CSRNP1: variants seen among roughly 807,000 people sequenced by gnomAD.
The protein encoded by CSRNP1 is cysteine/serine-rich nuclear protein 1.
In CSRNP1, 8 loss-of-function variants were observed where a neutral mutation model predicts 25.0. That is an observed-to-expected ratio of 0.32 (90% CI 0.19 to 0.58). The LOEUF is 0.58. Among genes scored for constraint, CSRNP1 ranks in the 20% least tolerant of loss-of-function variants. The probability of loss-of-function intolerance (pLI) is 0.88; values close to 1 mark genes in which losing one functional copy is unlikely to be tolerated. For missense variants in CSRNP1, 691 were observed against 773.1 expected (o/e 0.89, Z 1.26); for synonymous variants, 305 against 303.1 (o/e 1.01, Z -0.06).
intron 1 of CSRNP1, chr3:39,149,438 A>G (rs2039555681): frequency 6.6e-6 from 1 of 152,196 alleles, no homozygotes; most frequent in Non-Finnish European, 1.5e-5. Context: ...GACACTTAAG[A>G]TTTATATACT....
intron 1 of CSRNP1, 46 bp downstream of exon 1, chr3:39,153,392 T>A (rs1305160322): frequency 8.7e-6 from 2 of 229,476 alleles, no homozygotes; most frequent in Non-Finnish European, 1.9e-5. Flanking sequence ...GAATGCCCCC[T>A]CCCCAAAGTC....
chr3:39,149,824 AAAGTCAT>A (rs2039559121), intron 1 of CSRNP1: 1 of 152,322 alleles, frequency 6.6e-6, no homozygotes, highest in Non-Finnish European at 1.5e-5. Flanking sequence ...TCCCTTTCAG[AAAGTCAT>A]CTTTCAAGGG....
chr3:39,146,718 A>C lies in CSRNP1; in HGVS notation c.-36T>G. 6.5e-7 allele frequency: 1 copy of C among 1,550,186 alleles called. No individual in the cohort carries two copies. The highest frequency in any genetic ancestry group is 8.7e-7 in the Non-Finnish European group (1 of 1,146,986). ...GACGTGCTCTGGGGTCTGGGGACAGACAGCCTGGAATAGGAATGAGAAGGC... is the reference window on the plus strand; with the variant it reads ...GACGTGCTCTGGGGTCTGGGGACAGCCAGCCTGGAATAGGAATGAGAAGGC... On this transcript the variant is annotated 5_prime_UTR_variant, in exon 2 of 5. Transcript: ENST00000273153.
chr3:39,146,376 A>T, intron 2 of CSRNP1, 102 bp downstream of exon 2: 1 of 1,378,178 alleles, frequency 7.3e-7, no homozygotes, highest in South Asian at 1.5e-5. Context: ...CGCCATGGGG[A>T]CCTAACCACC....
intron 2 of CSRNP1, 120 bp downstream of exon 2, chr3:39,146,358 A>C (rs2039510478): frequency 8.0e-7 from 1 of 1,242,708 alleles, no homozygotes; most frequent in African/African-American, 1.5e-5. Flanking sequence ...ATAGCTCATG[A>C]GAGCTACCGC....
rs79896317 is a variant in CSRNP1, at chr3:39,145,145, C to A, written c.317G>T (p.Arg106Leu). The A allele has an allele frequency of 1.6e-5, 26 of 1,614,274 alleles. No homozygotes were observed. In the African/African-American group the frequency reaches 2.4e-4, roughly 15 times the overall value. Reference protein sequence around the residue: ...RCQGFTSVPSRGGCTLGMALR... With the variant: ...RCQGFTSVPSLGGCTLGMALR... Reference sequence around the variant, plus strand: ...GGCCATACCCAGAGTACAGCCACCACGGCTGGGCACACTGGTGAAGCCCTG... The same window carrying A: ...GGCCATACCCAGAGTACAGCCACCAAGGCTGGGCACACTGGTGAAGCCCTG... The change falls in exon 3 of 5, where the codon CGT (arginine) becomes CTT (leucine). Residue 106 changes from arginine (R) to leucine (L), a missense_variant. Transcript: ENST00000273153.
Position 39,143,743 on chromosome 3 carries a change from G to C in CSRNP1, c.1082C>G (p.Ser361Ter). The C allele has an allele frequency of 6.2e-7, 1 of 1,614,110 alleles. No individual in the cohort carries two copies. Among genetic ancestry groups the C allele is most frequent in the Non-Finnish European group, 8.5e-7 (1 of 1,179,976 alleles). Reference sequence around the variant, plus strand: ...AGGAGCCTCACTAGTGCCCGATGCTGATGAAGATGCTGTAGAAGAATCAGT... The same window carrying C: ...AGGAGCCTCACTAGTGCCCGATGCTCATGAAGATGCTGTAGAAGAATCAGT... ...DMTDSSTASS[S>*]ASGTSEAPDC... Residue 361 changes from serine (S) to a stop codon, truncating the protein, a stop_gained, in exon 5 of 5, where the codon TCA becomes TGA. Transcript: ENST00000273153. LOFTEE classifies it low-confidence loss of function (END_TRUNC).
At chr3:39,144,600 G>A in intron 3 of CSRNP1, 149 bp from the exon 4 acceptor site, 1 of 772,318 alleles carries the variant, frequency 1.3e-6, no homozygotes, top group South Asian at 2.0e-5. Flanking sequence ...CAGTGAACAG[G>A]ACAGCCAAGA....
chr3:39,145,403 G>A, intron 2 of CSRNP1, 147 bp from the exon 3 acceptor site: 2 of 1,053,366 alleles, frequency 1.9e-6, no homozygotes, highest in Non-Finnish European at 2.7e-6. Flanking sequence ...GTGAATTTAG[G>A]AGCCTGTGTG....
In CSRNP1 at chr3:39,143,516, G is replaced by A. The variant is rs780785856; in HGVS notation, c.1309C>T (p.Leu437=). ...DIFGTSDPGG[L]ASWTHSYSGC... Reference sequence around the variant, plus strand: ...GAATAGCTGTGGGTCCAGCTGGCCAGGCCACCAGGGTCACTAGTACCAAAG... The same window carrying A: ...GAATAGCTGTGGGTCCAGCTGGCCAAGCCACCAGGGTCACTAGTACCAAAG... Residue 437 remains leucine, a synonymous_variant, in exon 5 of 5, where the codon CTG becomes TTG. Coordinates refer to ENST00000273153, the MANE Select transcript of CSRNP1 (RefSeq NM_033027.4). 13 of 1,614,104 alleles carry A rather than the reference G, an allele frequency of 8.1e-6. No individual in the cohort carries two copies. The Admixed American group carries it at 1.7e-4, about 21-fold the overall frequency.
Position 39,143,485 on chromosome 3 carries a change from C to A in CSRNP1, c.1340G>T (p.Cys447Phe). The A allele has an allele frequency of 6.2e-7, 1 of 1,614,174 alleles. No homozygotes were observed. Among genetic ancestry groups the A allele is most frequent in the Non-Finnish European group, 8.5e-7 (1 of 1,179,984 alleles). Residue 447 changes from cysteine (C) to phenylalanine (F), a missense_variant, in exon 5 of 5, where the codon TGT (cysteine) becomes TTT (phenylalanine). Coordinates refer to ENST00000273153, the MANE Select transcript of CSRNP1 (RefSeq NM_033027.4). ...LASWTHSYSG[C>F]SFTSGVLDEN... ...ATCCAGGACGCCTGATGTGAAGCTA[C>A]AGCCAGAATAGCTGTGGGTCCAGCT...
chr3:39,144,078 C>T lies in CSRNP1; in HGVS notation c.781-34G>A, dbSNP rs753423271. 2.5e-6 allele frequency: 4 copies of T among 1,606,462 alleles called. No homozygotes were observed. In the South Asian group the frequency reaches 4.4e-5, roughly 18 times the overall value. On this transcript the variant is annotated intron_variant, in intron 4 of 4. Coordinates refer to ENST00000273153, the MANE Select transcript of CSRNP1 (RefSeq NM_033027.4). Reference sequence around the variant, plus strand: ...AAAAGTAGAGGTACAAGTGAGGGTTCTGTGGAGTGCAAAGAAGTCCCCACG... The same window carrying T: ...AAAAGTAGAGGTACAAGTGAGGGTTTTGTGGAGTGCAAAGAAGTCCCCACG...
chr3:39,143,418 GCCA>G lies in CSRNP1; in HGVS notation c.1404_1406del (p.Gly469del), dbSNP rs1164795531. 8 of 1,614,162 alleles carry G rather than the reference GCCA, an allele frequency of 5.0e-6. No homozygotes were observed. Among genetic ancestry groups the G allele is most frequent in the Non-Finnish European group, 5.9e-6 (7 of 1,180,002 alleles). ...GGCTGCCTTCCCTTGACCCTTCAAGGCCACCATTTAGGAAGCAGCTGGCATCCA... is the reference window on the plus strand; with the variant it reads ...GGCTGCCTTCCCTTGACCCTTCAAGGCCATTTAGGAAGCAGCTGGCATCCA... On this transcript the variant is annotated inframe_deletion, in exon 5 of 5. Coordinates refer to ENST00000273153, the MANE Select transcript of CSRNP1 (RefSeq NM_033027.4).
At position 39,144,233 on chromosome 3, in the gene CSRNP1, C is replaced by T. The variant is rs775750636; in HGVS notation, c.684G>A (p.Gln228=). The T allele has an allele frequency of 1.2e-6, 2 of 1,614,188 alleles. No homozygotes were observed. Among genetic ancestry groups the T allele is most frequent in the South Asian group, 1.1e-5 (1 of 91,090 alleles). ...AATCCTCCCGGGATTGGCGCAGTGCCTGCAGCTCCCGCTTCTCCTCCCGAT... is the reference window on the plus strand; with the variant it reads ...AATCCTCCCGGGATTGGCGCAGTGCTTGCAGCTCCCGCTTCTCCTCCCGAT... ...RIDREEKREL[Q]ALRQSREDCG... is the part of the protein sequence containing the mutation. The change falls in exon 4 of 5, where the codon CAG becomes CAA. Residue 228 remains glutamine (Q), a synonymous_variant. Transcript: ENST00000273153.
Position 39,152,218 on chromosome 3 carries a change from G to T in CSRNP1, c.-41+1220C>A, listed in dbSNP as rs564101289. The stretch of plus-strand genomic sequence containing the variant: ...CCAGATAGGGGCTCCGCATGGGTAA[G>T]GAACAGGAGGAGGGACCAGCACAGT... On this transcript the variant is annotated intron_variant, in intron 1 of 4. Coordinates refer to ENST00000273153, the MANE Select transcript of CSRNP1 (RefSeq NM_033027.4). The T allele has an allele frequency of 1.2e-3, 180 of 152,744 alleles. 1 individual carries two copies. Among genetic ancestry groups the T allele is most frequent in the Middle Eastern group, 6.7e-3 (2 of 298 alleles). The allele number at this position is 152,744 out of a possible 1,614,324, so 9.5% of individuals were successfully genotyped here.
chr3:39,146,725 G>C lies in CSRNP1; in HGVS notation c.-40-3C>G. On this transcript the variant is annotated splice_polypyrimidine_tract_variant and splice_region_variant and intron_variant, in intron 1 of 4. Coordinates refer to ENST00000273153, the MANE Select transcript of CSRNP1 (RefSeq NM_033027.4). ...TCTGGGGTCTGGGGACAGACAGCCTGGAATAGGAATGAGAAGGCTCTAAGT... is the reference window on the plus strand; with the variant it reads ...TCTGGGGTCTGGGGACAGACAGCCTCGAATAGGAATGAGAAGGCTCTAAGT... 1 of 1,547,714 alleles carries C rather than the reference G, an allele frequency of 6.5e-7. No individual in the cohort carries two copies. Among genetic ancestry groups the C allele is most frequent in the Non-Finnish European group, 8.7e-7 (1 of 1,145,914 alleles).
chr3:39,142,993 G>A lies in CSRNP1; in HGVS notation c.*62C>T. 1.3e-6 allele frequency: 2 copies of A among 1,511,800 alleles called. No individual in the cohort carries two copies. The highest frequency in any genetic ancestry group is 1.8e-6 in the Non-Finnish European group (2 of 1,128,620). 93.6% of individuals were successfully genotyped at this position (1,511,800 alleles called of 1,614,324 possible). A position where few individuals can be genotyped will look rare whatever the true frequency, so the allele number is the denominator to read the frequency against. On this transcript the variant is annotated 3_prime_UTR_variant, in exon 5 of 5. Transcript: ENST00000273153. ...GAGACTGTTACGCAGACTCTGGGGA[G>A]CCCCATAATTACAAGAAAGCAGCAA...
chr3:39,153,387 C>G, intron 1 of CSRNP1, 51 bp downstream of exon 1: 1 of 225,850 alleles, frequency 4.4e-6, no homozygotes, highest in Non-Finnish European at 9.6e-6. Flanking sequence ...GCGCTGAATG[C>G]CCCCTCCCCA....
At position 39,142,997 on chromosome 3, in the gene CSRNP1, C is replaced by T; in HGVS notation, c.*58G>A. 1 of 1,516,742 alleles carries T rather than the reference C, an allele frequency of 6.6e-7. No individual in the cohort carries two copies. Among genetic ancestry groups the T allele is most frequent in the East Asian group, 2.3e-5 (1 of 43,994 alleles). The allele number at this position is 1,516,742 out of a possible 1,614,324, so 94.0% of individuals were successfully genotyped here. A position where few individuals can be genotyped will look rare whatever the true frequency, so the allele number is the denominator to read the frequency against. On this transcript the variant is annotated 3_prime_UTR_variant, in exon 5 of 5. Coordinates refer to ENST00000273153, the MANE Select transcript of CSRNP1 (RefSeq NM_033027.4). ...CTGTTACGCAGACTCTGGGGAGCCC[C>T]ATAATTACAAGAAAGCAGCAACAGG...
Sources: allele counts gnomAD v4.1 joint callset, GRCh38; gene constraint gnomAD v4.1.1; transcripts MANE v1.5; gene names NCBI Gene and HGNC (gene_info 2026-07-23, HGNC 2026-07-21).